The following C1QTNF3 variants were observed in gnomAD, a reference collection of about 807,000 sequenced individuals.
The protein encoded by C1QTNF3 is complement C1q tumor necrosis factor-related protein 3.
In C1QTNF3, 26 loss-of-function variants were observed where a neutral mutation model predicts 32.6. The observed-to-expected ratio is 0.80, with a 90% CI of 0.58 to 1.11. C1QTNF3 has a LOEUF of 1.11. Ranked by LOEUF, C1QTNF3 falls within the 50% of genes least tolerant of loss-of-function variation. The pLI is 0.00. For missense variants in C1QTNF3, 362 were observed against 398.2 expected (o/e 0.91, Z 0.77); for synonymous variants, 155 against 146.0 (o/e 1.06, Z -0.44).
the C1QTNF3 span, among the ~76,000 whole-genome samples, chr5:34,231,141 G>C: frequency 3.3e-5 from 5 of 152,036 alleles, no homozygotes; most frequent in Non-Finnish European, 7.4e-5. Flanking sequence ...TCTTGGCACA[G>C]GGTTTCAATA....
chr5:34,230,380 T>C, the C1QTNF3 span, among the ~76,000 whole-genome samples: 5 of 152,150 alleles, frequency 3.3e-5, no homozygotes, highest in African/African-American at 1.2e-4. Flanking sequence ...GTAATTTTTA[T>C]AACAGCCACA....
At chr5:34,088,524 ATACT>A in the C1QTNF3 span, among the ~76,000 whole-genome samples, 1 of 152,102 alleles carries the variant, frequency 6.6e-6, no homozygotes, top group Non-Finnish European at 1.5e-5. Flanking sequence ...TGTGAGTAAA[ATACT>A]TAATAAAATG....
In C1QTNF3 at chr5:34,035,646, C is replaced by T. The variant is rs747259352; in HGVS notation, c.415+1G>A. The T allele has an allele frequency of 1.9e-6, 3 of 1,604,484 alleles. No homozygotes were observed. Among genetic ancestry groups the T allele is most frequent in the Non-Finnish European group, 2.6e-6 (3 of 1,172,338 alleles). On this transcript the variant is annotated splice_donor_variant, in intron 2 of 5. Transcript: ENST00000382065. LOFTEE classifies it high-confidence loss of function. The stretch of plus-strand genomic sequence containing the variant: ...TGACAGTATGTCTTGCTCATCCTTA[C>T]CTGGAATGCCAGGAGGGCCCGGTGG...
the C1QTNF3 span, among the ~76,000 whole-genome samples, chr5:34,112,497 CA>C: frequency 0.53 from 70,504 of 132,700 alleles, 19,094 homozygotes; most frequent in Non-Finnish European, 0.63. Flanking sequence ...CCATCTCTAC[CA>C]AAAAAAAAAA....
chr5:34,163,390 T>C, the C1QTNF3 span, among the ~76,000 whole-genome samples: 1 of 152,016 alleles, frequency 6.6e-6, no homozygotes, highest in South Asian at 2.1e-4. Context: ...TTCTTTAAAC[T>C]GCAATCTAGA....
At position 34,043,036 on chromosome 5, in the gene C1QTNF3, G is replaced by A. The variant is rs544070128; in HGVS notation, c.90C>T (p.Ser30=). 1.5e-5 allele frequency: 24 copies of A among 1,614,052 alleles called. No homozygotes were observed. Among genetic ancestry groups the A allele is most frequent in the East Asian group, 2.2e-5 (1 of 44,876 alleles). Residue 30 remains serine, a synonymous_variant, in exon 1 of 6, where the codon AGC becomes AGT. Coordinates refer to ENST00000382065, the MANE Select transcript of C1QTNF3 (RefSeq NM_181435.6). ...TTGCCACCACTTTATTAGTTCTTCC[G>A]CTCACCTCCATGTATTCATCTTGAC... ...CLCQDEYMEV[S]GRTNKVVARI...
intron 2 of C1QTNF3, among the ~76,000 whole-genome samples, chr5:34,034,070 G>A (rs1455201315): frequency 6.6e-6 from 1 of 152,196 alleles, no homozygotes; most frequent in Admixed American, 6.5e-5. Context: ...GGGAGACTGA[G>A]GCAGGATGAC....
At chr5:34,063,894 A>C in the C1QTNF3 span, among the ~76,000 whole-genome samples, 1 of 152,200 alleles carries the variant, frequency 6.6e-6, no homozygotes, top group African/African-American at 2.4e-5. Context: ...GTCAGGACCC[A>C]GGAGGTATGG....
At chr5:34,244,670 TAGTA>T in the C1QTNF3 span, 1 of 151,806 alleles carries the variant, frequency 6.6e-6, no homozygotes, top group Non-Finnish European at 1.5e-5. Context: ...CAGCTAGACG[TAGTA>T]AGTTCTCCAA....
the C1QTNF3 span, among the ~76,000 whole-genome samples, chr5:34,205,225 AT>A: frequency 0.012 from 1,868 of 152,086 alleles, 44 homozygotes; most frequent in African/African-American, 0.043. Flanking sequence ...CAGGATTTTT[AT>A]TGTTGGAGTG....
chr5:34,223,197 G>A, the C1QTNF3 span, among the ~76,000 whole-genome samples: 5 of 125,954 alleles, frequency 4.0e-5, no homozygotes, highest in African/African-American at 9.2e-5. Flanking sequence ...AGTCCCCAGC[G>A]TGTGGTGTTC....
the C1QTNF3 span, among the ~76,000 whole-genome samples, chr5:34,088,089 T>C: frequency 1.3e-3 from 197 of 151,004 alleles, no homozygotes; most frequent in Middle Eastern, 3.5e-3. Flanking sequence ...AAATAGTTTG[T>C]GTTAAATATG....
At chr5:34,226,140 T>C in the C1QTNF3 span, among the ~76,000 whole-genome samples, 7 of 152,022 alleles carry the variant, frequency 4.6e-5, no homozygotes, top group African/African-American at 1.7e-4. Flanking sequence ...ATATAACCTG[T>C]TAAAATATCT....
At chr5:34,068,657 A>G in the C1QTNF3 span, among the ~76,000 whole-genome samples, 1 of 152,184 alleles carries the variant, frequency 6.6e-6, no homozygotes, top group Non-Finnish European at 1.5e-5. Context: ...TTTGTCATAC[A>G]TAAGTAATAG....
the C1QTNF3 span, among the ~76,000 whole-genome samples, chr5:34,091,065 C>G: frequency 6.6e-6 from 1 of 152,060 alleles, no homozygotes; most frequent in Non-Finnish European, 1.5e-5. Flanking sequence ...GTGCTGGATG[C>G]GTGTATTGAA....
At chr5:34,226,222 A>T in the C1QTNF3 span, among the ~76,000 whole-genome samples, 145 of 152,072 alleles carry the variant, frequency 9.5e-4, no homozygotes, top group African/African-American at 3.4e-3. Flanking sequence ...CCTTCACCCT[A>T]CAAAAGAGAG....
At chr5:34,153,920 G>A in the C1QTNF3 span, among the ~76,000 whole-genome samples, 1 of 149,198 alleles carries the variant, frequency 6.7e-6, no homozygotes, top group Admixed American at 6.7e-5. Context: ...TTATAGATGT[G>A]TTAACTGACT....
chr5:34,183,631 A>C, the C1QTNF3 span, among the ~76,000 whole-genome samples: 2 of 150,000 alleles, frequency 1.3e-5, no homozygotes, highest in African/African-American at 5.0e-5. Flanking sequence ...TTCCTTTAAC[A>C]CGCTATTCAT....
At chr5:34,057,231 A>G in the C1QTNF3 span, among the ~76,000 whole-genome samples, 1 of 152,202 alleles carries the variant, frequency 6.6e-6, no homozygotes, top group Non-Finnish European at 1.5e-5. Flanking sequence ...AGAGATAAGT[A>G]GAACAGATGG....
Sources: gnomAD v4.1 joint callset for allele counts (sites outside exome capture counted in the v4.1 genomes callset) on GRCh38, gnomAD v4.1.1 for gene constraint, MANE v1.5 for transcripts, NCBI Gene and HGNC (gene_info 2026-07-23, HGNC 2026-07-21) for gene names.